The following SMC6 variants were observed in gnomAD, a reference collection of about 807,000 sequenced individuals.
SMC6 encodes the protein structural maintenance of chromosomes protein 6.
Under a neutral mutation model 142.2 loss-of-function variants are expected in SMC6, and 79 were observed. That is an observed-to-expected ratio of 0.56 (90% confidence interval 0.46 to 0.67). The LOEUF (loss-of-function observed/expected upper bound fraction) is 0.67, where lower values mean the gene tolerates loss of function less well. SMC6 is among the 30% of genes least tolerant of loss of function. The pLI is 0.00. For synonymous variants in SMC6, 411 were observed against 412.4 expected (o/e 1.00, Z 0.04); for missense variants, 1,072 against 1,284.0 (o/e 0.83, Z 2.52).
At chr2:17,674,150 C>G (rs1357557111) in intron 25 of SMC6, among the ~76,000 whole-genome samples, 1 of 152,096 alleles carries the variant, frequency 6.6e-6, no homozygotes, top group Non-Finnish European at 1.5e-5. Flanking sequence ...GAACTTAGAT[C>G]ATTAATGTTC....
intron 16 of SMC6, among the ~76,000 whole-genome samples, chr2:17,711,631 TTTA>T (rs1668829377): frequency 6.6e-6 from 1 of 152,170 alleles, no homozygotes; most frequent in Admixed American, 6.5e-5. Context: ...GTATTTTTAT[TTTA>T]TTTTTTTGAG....
chr2:17,696,819 A>C (rs1385235605), intron 21 of SMC6, among the ~76,000 whole-genome samples: 2 of 152,140 alleles, frequency 1.3e-5, no homozygotes, highest in Non-Finnish European at 2.9e-5. Flanking sequence ...ACGCTGATTT[A>C]TTTAGTCACA....
At chr2:17,704,651 T>C (rs1033499173) in intron 18 of SMC6, among the ~76,000 whole-genome samples, 2 of 152,170 alleles carry the variant, frequency 1.3e-5, no homozygotes, top group African/African-American at 2.4e-5. Context: ...TCTGAAACCA[T>C]TTTGCAGTTT....
intron 26 of SMC6, among the ~76,000 whole-genome samples, chr2:17,668,666 G>T (rs965248734): frequency 9.9e-5 from 15 of 152,042 alleles, no homozygotes; most frequent in Admixed American, 9.8e-4. Context: ...TGCCTGATAG[G>T]GTATGGTGGT....
chr2:17,740,765 G>A (rs72627391), intron 4 of SMC6: 19 of 432,694 alleles, frequency 4.4e-5, no homozygotes, highest in African/African-American at 8.4e-5. Flanking sequence ...CAGGAGAATC[G>A]CTTGAACCTG....
intron 26 of SMC6, among the ~76,000 whole-genome samples, chr2:17,669,180 C>A (rs965251914): frequency 6.6e-6 from 1 of 152,030 alleles, no homozygotes; most frequent in African/African-American, 2.4e-5. Context: ...TAGGTGACTG[C>A]GCTGGAAATG....
intron 23 of SMC6, among the ~76,000 whole-genome samples, chr2:17,687,704 ATGGC>A (rs1263947047): frequency 2.0e-5 from 3 of 152,204 alleles, no homozygotes; most frequent in African/African-American, 7.2e-5. Flanking sequence ...ACTTTTGTTT[ATGGC>A]TTTGACTTGT....
chr2:17,683,453 G>C (rs1364068173), intron 24 of SMC6, among the ~76,000 whole-genome samples, 185 bp downstream of exon 24: 1 of 152,154 alleles, frequency 6.6e-6, no homozygotes, highest in Non-Finnish European at 1.5e-5. Flanking sequence ...GAGTGGAAAA[G>C]TTGGATAAGC....
intron 3 of SMC6, among the ~76,000 whole-genome samples, chr2:17,742,671 C>T (rs1670537358): frequency 6.6e-6 from 1 of 152,130 alleles, no homozygotes; most frequent in South Asian, 2.1e-4. Flanking sequence ...TCTTACTAAA[C>T]AGTAGAAAAC....
chr2:17,671,720 A>G (rs892614328), intron 25 of SMC6, among the ~76,000 whole-genome samples: 3 of 151,926 alleles, frequency 2.0e-5, no homozygotes, highest in Non-Finnish European at 4.4e-5. Flanking sequence ...AGCTAAATAA[A>G]ATCTTTAAAA....
At chr2:17,751,266 A>C (rs1040581160) in intron 2 of SMC6, among the ~76,000 whole-genome samples, 22 of 151,902 alleles carry the variant, frequency 1.4e-4, no homozygotes, top group African/African-American at 5.3e-4. Context: ...GGATCACTTG[A>C]GGTAAGGCGC....
rs1293489816 is a variant in SMC6 at position 17,675,117 on chromosome 2, T to A, written c.2910+3742A>T. On this transcript the variant is annotated intron_variant, in intron 25 of 27. Transcript: ENST00000448223. ...TTCATATAATTGAGTATTTTTGTTT[T>A]CCATTCCTTTTATTTGGTCTCTGTT... Among the ~76,000 whole-genome samples the A allele has an allele frequency of 2.7e-4, 41 of 151,736 alleles. 2 individuals are homozygous for A. Among genetic ancestry groups the A allele is most frequent in the Admixed American group, 2.6e-3 (40 of 15,246 alleles).
chr2:17,702,910 C>T (rs891558423), intron 19 of SMC6, among the ~76,000 whole-genome samples: 2 of 152,052 alleles, frequency 1.3e-5, no homozygotes, highest in Non-Finnish European at 2.9e-5. Context: ...TTGGGTACGT[C>T]TTTATCAGCA....
At chr2:17,736,653 T>C (rs1212304278) in intron 5 of SMC6, among the ~76,000 whole-genome samples, 1 of 150,554 alleles carries the variant, frequency 6.6e-6, no homozygotes, top group African/African-American at 2.5e-5. Context: ...AGCAGGTAGA[T>C]CACTTGAGCC....
At chr2:17,742,900 C>T (rs931718887) in intron 3 of SMC6, among the ~76,000 whole-genome samples, 4 of 152,168 alleles carry the variant, frequency 2.6e-5, no homozygotes, top group African/African-American at 9.7e-5. Flanking sequence ...ATATTTCCAT[C>T]ATCACCAGGA....
chr2:17,713,737 T>C (rs151021459), intron 16 of SMC6, among the ~76,000 whole-genome samples: 82 of 152,352 alleles, frequency 5.4e-4, no homozygotes, highest in Admixed American at 1.6e-3. Context: ...CTCTGTGCTA[T>C]CTGTTTCTTC....
At chr2:17,692,962 T>A (rs1297256855) in intron 23 of SMC6, among the ~76,000 whole-genome samples, 2 of 152,126 alleles carry the variant, frequency 1.3e-5, no homozygotes, top group Non-Finnish European at 2.9e-5. Context: ...AAAATGCTCA[T>A]CATCACTGGC....
At chr2:17,752,697 T>C (rs1572377158) in intron 2 of SMC6, among the ~76,000 whole-genome samples, 1 of 152,144 alleles carries the variant, frequency 6.6e-6, no homozygotes, top group South Asian at 2.1e-4. Context: ...TAAATAGAAG[T>C]TCTAATATGT....
At chr2:17,742,910 A>ATCCCACAT (rs1312210892) in intron 3 of SMC6, among the ~76,000 whole-genome samples, 1 of 152,090 alleles carries the variant, frequency 6.6e-6, no homozygotes, top group Non-Finnish European at 1.5e-5. Context: ...CATCACCAGG[A>ATCCCACAT]TCCCACATGT....
Sources: allele counts gnomAD v4.1 joint callset (sites outside exome capture counted in the v4.1 genomes callset), GRCh38; gene constraint gnomAD v4.1.1; transcripts MANE v1.5; gene names NCBI Gene and HGNC (gene_info 2026-07-23, HGNC 2026-07-21).